The following DNER variants were observed in gnomAD, a reference collection of about 807,000 sequenced individuals.
DNER encodes the protein delta and Notch-like epidermal growth factor-related receptor.
Under a neutral mutation model 78.2 loss-of-function variants are expected in DNER, and 33 were observed. The ratio of observed to expected loss-of-function variants is 0.42; its 90% CI spans 0.32 to 0.56. DNER has a LOEUF of 0.56. Ranked by LOEUF, DNER falls within the 20% of genes least tolerant of loss-of-function variation. DNER has a pLI of 0.11. For synonymous variants in DNER, 417 were observed against 384.8 expected (o/e 1.08, Z -0.98); for missense variants, 918 against 975.3 (o/e 0.94, Z 0.78).
At chr2:229,672,206 A>G in intron 1 of DNER, among the ~76,000 whole-genome samples, 1 of 152,156 alleles carries the variant, frequency 6.6e-6, no homozygotes, top group East Asian at 1.9e-4. Context: ...TGGGGCTGGA[A>G]TCAGACGCAG....
intron 1 of DNER, among the ~76,000 whole-genome samples, chr2:229,646,754 G>A (rs1248774231): frequency 6.6e-6 from 1 of 152,266 alleles, no homozygotes; most frequent in Non-Finnish European, 1.5e-5. Flanking sequence ...CAGGTCCTCA[G>A]GGTCCACGGT....
At chr2:229,559,834 C>G (rs1696922601) in intron 4 of DNER, among the ~76,000 whole-genome samples, 1 of 152,170 alleles carries the variant, frequency 6.6e-6, no homozygotes, top group African/African-American at 2.4e-5. Context: ...TTCCTTCTCT[C>G]TCCTTCCATT....
At chr2:229,635,922 T>TA (rs892399902) in intron 1 of DNER, among the ~76,000 whole-genome samples, 21 of 151,810 alleles carry the variant, frequency 1.4e-4, no homozygotes, top group Admixed American at 6.6e-4. Flanking sequence ...GGTTATTTTA[T>TA]AGAAAATATT....
chr2:229,364,716 A>G (rs907416594), intron 12 of DNER, among the ~76,000 whole-genome samples: 4 of 152,168 alleles, frequency 2.6e-5, no homozygotes, highest in Non-Finnish European at 5.9e-5. Flanking sequence ...TATTAGAATG[A>G]CAAGATCACT....
chr2:229,532,968 A>G (rs551798181), intron 5 of DNER, among the ~76,000 whole-genome samples: 23 of 152,256 alleles, frequency 1.5e-4, no homozygotes, highest in African/African-American at 5.5e-4. Flanking sequence ...GAAGGGGTTG[A>G]GGGGATCGAG....
intron 5 of DNER, among the ~76,000 whole-genome samples, chr2:229,519,243 T>C (rs1468967869): frequency 1.3e-5 from 2 of 152,208 alleles, no homozygotes; most frequent in Non-Finnish European, 2.9e-5. Flanking sequence ...TTATTCTCTG[T>C]CATTTTACCT....
chr2:229,477,290 T>C, intron 6 of DNER, 37 bp from the exon 7 acceptor site: 1 of 1,519,816 alleles, frequency 6.6e-7, no homozygotes, highest in Non-Finnish European at 9.0e-7. Context: ...TAAAATAAGC[T>C]CTTCCAGACC....
chr2:229,520,545 T>C (rs1696074222), intron 5 of DNER, among the ~76,000 whole-genome samples: 2 of 152,222 alleles, frequency 1.3e-5, no homozygotes, highest in African/African-American at 2.4e-5. Flanking sequence ...TGAAACTAGG[T>C]GACACAGGCA....
intron 10 of DNER, among the ~76,000 whole-genome samples, chr2:229,399,638 A>G (rs1693226229): frequency 6.6e-6 from 1 of 152,118 alleles, no homozygotes; most frequent in South Asian, 2.1e-4. Flanking sequence ...AATAGTTATT[A>G]TGAAACTACA....
At chr2:229,694,604 C>G (rs1161054199) in intron 1 of DNER, among the ~76,000 whole-genome samples, 1 of 152,210 alleles carries the variant, frequency 6.6e-6, no homozygotes, top group East Asian at 1.9e-4. Flanking sequence ...CATTTTGGAA[C>G]TTTAAGGTTT....
At chr2:229,603,323 T>C (rs1053098903) in intron 1 of DNER, among the ~76,000 whole-genome samples, 15 of 152,100 alleles carry the variant, frequency 9.9e-5, no homozygotes, top group African/African-American at 3.1e-4. Flanking sequence ...AATGACGAGT[T>C]AATGGGTGCA....
At chr2:229,434,398 C>T (rs1358660043) in intron 8 of DNER, among the ~76,000 whole-genome samples, 4 of 152,176 alleles carry the variant, frequency 2.6e-5, no homozygotes, top group Admixed American at 2.0e-4. Context: ...CTAAGGGCTA[C>T]AAATGCCCAA....
intron 1 of DNER, among the ~76,000 whole-genome samples, chr2:229,685,043 T>C (rs2154217233): frequency 6.6e-6 from 1 of 152,338 alleles, no homozygotes; most frequent in South Asian, 2.1e-4. Flanking sequence ...ATTATAATCA[T>C]TCTCAGGCAT....
intron 5 of DNER, among the ~76,000 whole-genome samples, chr2:229,533,007 A>G (rs1395055710): frequency 6.6e-6 from 1 of 152,194 alleles, no homozygotes; most frequent in Non-Finnish European, 1.5e-5. Context: ...AGTTTGTCAA[A>G]TCTGCTTTTA....
intron 7 of DNER, among the ~76,000 whole-genome samples, 185 bp downstream of exon 7, chr2:229,476,955 T>C (rs368017133): frequency 2.1e-5 from 3 of 143,282 alleles, no homozygotes; most frequent in African/African-American, 7.7e-5. Context: ...AATATTCAAA[T>C]AATTTTCAAG....
chr2:229,365,276 A>G (rs1692318614), intron 12 of DNER, among the ~76,000 whole-genome samples: 1 of 152,196 alleles, frequency 6.6e-6, no homozygotes, highest in Non-Finnish European at 1.5e-5. Context: ...AACTTTGGAA[A>G]TGAGGAGGAG....
rs182842348 is a variant in DNER, at chr2:229,685,135, T to C, written c.276+29013A>G. ...ACACAACAAGTTTAGAGGACTCTGA[T>C]CTTTGGTTGCTTAGCAACTTGCAGC... is the stretch of plus-strand genomic sequence containing the variant. On this transcript the variant is annotated intron_variant, in intron 1 of 12. Coordinates refer to ENST00000341772, the MANE Select transcript of DNER (RefSeq NM_139072.4). Among the ~76,000 whole-genome samples, 419 of 152,326 alleles carry C rather than the reference T, an allele frequency of 2.8e-3. 1 individual carries two copies. Among genetic ancestry groups the C allele is most frequent in the African/African-American group, 9.1e-3 (378 of 41,582 alleles).
chr2:229,451,339 C>T (rs1346654179), intron 7 of DNER, among the ~76,000 whole-genome samples: 1 of 152,164 alleles, frequency 6.6e-6, no homozygotes, highest in Non-Finnish European at 1.5e-5. Context: ...TGCCTGTAAT[C>T]CCAGCTACTG....
chr2:229,468,603 G>A lies in DNER; in HGVS notation c.1261+8537C>T, dbSNP rs561277520. On this transcript the variant is annotated intron_variant, in intron 7 of 12. Transcript: ENST00000341772. ...CTCCCCACTTCCCAAGCCCCTACCC[G>A]CCAAATTATCTTTAAAAACTCTGAT... Among the ~76,000 whole-genome samples, 72 of 152,104 alleles carry A rather than the reference G, an allele frequency of 4.7e-4. No individual in the cohort carries two copies. In the East Asian group the frequency reaches 5.8e-3, roughly 12 times the overall value.
Sources: gnomAD v4.1 joint callset for allele counts (sites outside exome capture counted in the v4.1 genomes callset) on GRCh38, gnomAD v4.1.1 for gene constraint, MANE v1.5 for transcripts, NCBI Gene and HGNC (gene_info 2026-07-23, HGNC 2026-07-21) for gene names.